ALS2: variants seen among roughly 807,000 people sequenced by gnomAD.
ALS2 encodes the protein alsin.
ALS2 carries 117 observed loss-of-function variants against 203.4 expected under a neutral mutation model. That is an observed-to-expected ratio of 0.58 (90% CI 0.50 to 0.67). ALS2 has a LOEUF of 0.67. ALS2 is among the 30% of genes least tolerant of loss of function. The probability of loss-of-function intolerance (pLI) is 0.00; values close to 1 mark genes in which losing one functional copy is unlikely to be tolerated. For missense variants in ALS2, 1,715 were observed against 1,989.4 expected (o/e 0.86, Z 2.62); for synonymous variants, 718 against 725.9 (o/e 0.99, Z 0.17).
intron 25 of ALS2, among the ~76,000 whole-genome samples, chr2:201,712,971 T>C (rs1690124572): frequency 6.6e-6 from 1 of 152,136 alleles, no homozygotes. Context: ...TCCATGAATT[T>C]TAATATGTGT....
Position 201,761,292 on chromosome 2 carries a change from C to T in ALS2, c.702G>A (p.Gln234=). 1 of 1,614,114 alleles carries T rather than the reference C, an allele frequency of 6.2e-7. No individual in the cohort carries two copies. The highest frequency in any genetic ancestry group is 8.5e-7 in the Non-Finnish European group (1 of 1,180,026). The change falls in exon 4 of 34, where the codon CAG becomes CAA. Residue 234 remains glutamine, a synonymous_variant. Transcript: ENST00000264276. The part of the protein sequence containing the change: ...DLKPVPERCN[Q]CSQLLITMTD... ...TCATAGTAATCAAGAGCTGGCTGCA[C>T]TGGTTGCATCGTTCTGGGACTGGCT...
chr2:201,740,385 C>A (rs2216001), intron 11 of ALS2, among the ~76,000 whole-genome samples: 82,936 of 151,842 alleles, frequency 0.55, 25,217 homozygotes, highest in Admixed American at 0.7. Context: ...ATAGGAATAA[C>A]CTGTTATGTT....
chr2:201,744,359 C>T lies in ALS2; in HGVS notation c.2069G>A (p.Gly690Glu), dbSNP rs1466607093. Residue 690 changes from glycine to glutamate, a missense_variant, in exon 10 of 34, where the codon GGG becomes GAG. Physicochemically the swap from Gly to Glu is moderately conservative, Grantham distance 98. Coordinates refer to ENST00000264276, the MANE Select transcript of ALS2 (RefSeq NM_020919.4). ...TAACTCGTGGAGACTGGCAATATAC[C>T]CCATAATGTTTTTATCCACCAAGGC... ...YLALVDKNIM[G>E]YIASLHELAT... The T allele has an allele frequency of 1.9e-6, 3 of 1,613,738 alleles. No individual in the cohort carries two copies. The highest frequency in any genetic ancestry group is 1.7e-5 in the Admixed American group (1 of 59,974).
intron 8 of ALS2, among the ~76,000 whole-genome samples, chr2:201,748,195 G>T (rs948231566): frequency 6.6e-6 from 1 of 152,044 alleles, no homozygotes; most frequent in African/African-American, 2.4e-5. Flanking sequence ...AGGTGATTTT[G>T]TGTGTGTGTT....
At position 201,715,926 on chromosome 2, in the gene ALS2, G is replaced by A; in HGVS notation, c.3837-87C>T. On this transcript the variant is annotated intron_variant, in intron 24 of 33. Transcript: ENST00000264276. ...CAGAAACTTTCTAACATACAACTGA[G>A]AATGCTTTTTTCGTGACCAAAACTG... The A allele has an allele frequency of 2.7e-6, 4 of 1,503,990 alleles. No homozygotes were observed. The South Asian group carries it at 4.6e-5, about 17-fold the overall frequency. The allele number at this position is 1,503,990 out of a possible 1,614,324, so 93.2% of individuals were successfully genotyped here. A position where few individuals can be genotyped will look rare whatever the true frequency, so the allele number is the denominator to read the frequency against.
At chr2:201,711,505 TGGAATAAAA>T (rs1243222645) in intron 25 of ALS2, among the ~76,000 whole-genome samples, 1 of 150,342 alleles carries the variant, frequency 6.7e-6, no homozygotes, top group African/African-American at 2.5e-5. Context: ...AACAGAAAAA[TGGAATAAAA>T]GGAATAAAAG....
intron 1 of ALS2, among the ~76,000 whole-genome samples, chr2:201,771,833 T>C (rs570920290): frequency 6.6e-6 from 1 of 152,356 alleles, no homozygotes; most frequent in South Asian, 2.1e-4. Context: ...GAGGGCAAGA[T>C]CCTTGTACTC....
intron 7 of ALS2, 119 bp downstream of exon 7, chr2:201,753,027 A>T: frequency 1.2e-6 from 1 of 867,972 alleles, no homozygotes; most frequent in Non-Finnish European, 2.0e-6. Flanking sequence ...TGGAAAGCTA[A>T]AATGAGATAC....
intron 25 of ALS2, among the ~76,000 whole-genome samples, chr2:201,712,240 G>A (rs1215363878): frequency 6.6e-6 from 1 of 152,140 alleles, no homozygotes; most frequent in Non-Finnish European, 1.5e-5. Flanking sequence ...ATAACAATTA[G>A]TATTTGTTAG....
At chr2:201,708,949 G>A (rs998397787) in intron 27 of ALS2, among the ~76,000 whole-genome samples, 2 of 152,136 alleles carry the variant, frequency 1.3e-5, no homozygotes, top group African/African-American at 2.4e-5. Flanking sequence ...AGCTAGCCCA[G>A]GCTAGTGATC....
intron 4 of ALS2, among the ~76,000 whole-genome samples, chr2:201,758,916 C>T (rs572058533): frequency 6.6e-6 from 1 of 152,190 alleles, no homozygotes; most frequent in Non-Finnish European, 1.5e-5. Context: ...AGAGCTATTT[C>T]CATGCAAATT....
chr2:201,777,271 A>C (rs1311104907), intron 1 of ALS2, among the ~76,000 whole-genome samples: 1 of 151,958 alleles, frequency 6.6e-6, no homozygotes, highest in Non-Finnish European at 1.5e-5. Flanking sequence ...TAAAGAAAGC[A>C]TTTTCCCAGG....
Position 201,704,190 on chromosome 2 carries a change from G to A in ALS2, c.4867C>T (p.Leu1623Phe), listed in dbSNP as rs1689555665. ...RIRNLGSEVH[L>F]IEDLMDPYLQ... ...TAGGGGTCCATTAGATCCTCAATGA[G>A]GTGTACCTCAGAGCCTAAATTCCTA... The change falls in exon 33 of 34, where the codon CTC becomes TTC. Residue 1623 changes from leucine to phenylalanine, a missense_variant. By Grantham distance (22) the Leu-to-Phe change is conservative (BLOSUM62 0). This residue lies in a region of ALS2 where 1,227 missense variants were observed against 1,413.5 expected (regional missense o/e 0.87). Transcript: ENST00000264276. The A allele has an allele frequency of 2.5e-6, 4 of 1,614,100 alleles. No homozygotes were observed. The highest frequency in any genetic ancestry group is 3.4e-6 in the Non-Finnish European group (4 of 1,179,984).
intron 7 of ALS2, among the ~76,000 whole-genome samples, 159 bp downstream of exon 7, chr2:201,752,987 G>A (rs901032901): frequency 6.6e-6 from 1 of 152,194 alleles, no homozygotes; most frequent in African/African-American, 2.4e-5. Context: ...TCCCTCGTCT[G>A]TAAAGTGGAA....
At chr2:201,722,773 T>C in intron 23 of ALS2, 1 of 461,136 alleles carries the variant, frequency 2.2e-6, no homozygotes, top group South Asian at 2.8e-5. Context: ...AAGGCAAATC[T>C]ATAGAGTGAT....
At chr2:201,731,081 G>A (rs1260883427) in intron 13 of ALS2, among the ~76,000 whole-genome samples, 6 of 152,336 alleles carry the variant, frequency 3.9e-5, no homozygotes, top group Middle Eastern at 3.4e-3. Context: ...ACCATGTAGC[G>A]AGGGAGCAGA....
chr2:201,744,200 G>C, intron 10 of ALS2, 58 bp downstream of exon 10: 1 of 1,536,170 alleles, frequency 6.5e-7, no homozygotes, highest in Non-Finnish European at 9.0e-7. Flanking sequence ...TTGTGACATA[G>C]GAAGAAGAGA....
At chr2:201,764,895 A>G (rs1247318594) in intron 3 of ALS2, among the ~76,000 whole-genome samples, 1 of 152,212 alleles carries the variant, frequency 6.6e-6, no homozygotes, top group Non-Finnish European at 1.5e-5. Context: ...CTGCTTAAAC[A>G]TGAATAACGA....
chr2:201,752,915 C>T (rs1693153603), intron 7 of ALS2, among the ~76,000 whole-genome samples: 1 of 152,154 alleles, frequency 6.6e-6, no homozygotes, highest in African/African-American at 2.4e-5. Flanking sequence ...GTGTTTAAAT[C>T]CAAGCTCTAC....
Sources: gnomAD v4.1 joint callset for allele counts (sites outside exome capture counted in the v4.1 genomes callset) on GRCh38, gnomAD v4.1.1 for gene constraint, gnomAD v4.1.1 regional missense constraint, MANE v1.5 for transcripts, NCBI Gene and HGNC (gene_info 2026-07-23, HGNC 2026-07-21) for gene names.